The following ROBO2 variants were observed in gnomAD, a reference collection of about 807,000 sequenced individuals.
ROBO2 encodes the protein roundabout homolog 2.
In ROBO2, 53 loss-of-function variants were observed where a neutral mutation model predicts 160.8. The ratio of observed to expected loss-of-function variants is 0.33; its 90% CI spans 0.26 to 0.41. The LOEUF (loss-of-function observed/expected upper bound fraction) is 0.41, where lower values mean the gene tolerates loss of function less well. Among genes scored for constraint, ROBO2 ranks in the 10% least tolerant of loss-of-function variants. The pLI, the probability that ROBO2 is intolerant of heterozygous loss-of-function variation, is 1.00. For synonymous variants in ROBO2, 664 were observed against 611.7 expected, an observed-to-expected ratio of 1.09 and a Z score of -1.26; for missense variants, 1,577 against 1,722.4, an observed-to-expected ratio of 0.92 and a Z score of 1.49.
chr3:77,230,725 A>G (rs1243105372), intron 2 of ROBO2, among the ~76,000 whole-genome samples: 1 of 152,216 alleles, frequency 6.6e-6, no homozygotes, highest in Non-Finnish European at 1.5e-5. Flanking sequence ...CACGGAAACT[A>G]AAGTTACTAG....
At chr3:77,036,563 A>C (rs137972635), upstream of ROBO2, among the ~76,000 whole-genome samples, 6 of 152,182 alleles carry the variant, frequency 3.9e-5, no homozygotes, top group African/African-American at 1.4e-4. Flanking sequence ...CCATTGGATA[A>C]CCTTACCCAA....
At chr3:76,389,383 AC>A (rs1305292947) in intron 2 of ROBO2, among the ~76,000 whole-genome samples, 3 of 152,104 alleles carry the variant, frequency 2.0e-5, no homozygotes, top group Admixed American at 2.0e-4. Flanking sequence ...AAAATATGGA[AC>A]TCTAGGTTAG....
Position 76,719,955 on chromosome 3 carries a change from A to G in ROBO2, c.110-378059A>G, listed in dbSNP as rs190557416. ...AAATCACTTAACTTCTTAATTGAGA[A>G]CTTATCAAATATGGGGCTACATAAG... On this transcript the variant is annotated intron_variant, in intron 2 of 26. Transcript: ENST00000487694. Among the ~76,000 whole-genome samples the G allele has an allele frequency of 8.0e-4, 122 of 152,302 alleles. 1 individual carries two copies. The highest frequency in any genetic ancestry group is 2.7e-3 in the African/African-American group (114 of 41,572).
intron 3 of ROBO2, among the ~76,000 whole-genome samples, chr3:77,478,421 AAAAT>A (rs2084298746): frequency 2.0e-5 from 3 of 152,236 alleles, no homozygotes; most frequent in African/African-American, 7.2e-5. Context: ...TGCATGTAGA[AAAAT>A]AACTGTTTTC....
intron 2 of ROBO2, among the ~76,000 whole-genome samples, chr3:76,338,298 G>A (rs71195265): frequency 0.023 from 3,554 of 152,146 alleles, 54 homozygotes; most frequent in Non-Finnish European, 0.034. Context: ...AATAAGGTAC[G>A]TTGAAGTTTT....
chr3:76,596,063 G>C (rs954201526), intron 2 of ROBO2, among the ~76,000 whole-genome samples: 3 of 151,948 alleles, frequency 2.0e-5, no homozygotes, highest in Non-Finnish European at 4.4e-5. Context: ...TGAAAGGTTT[G>C]GGGAATAAAA....
chr3:77,335,356 AAT>A (rs2153446809), intron 2 of ROBO2, among the ~76,000 whole-genome samples: 1 of 152,212 alleles, frequency 6.6e-6, no homozygotes, highest in African/African-American at 2.4e-5. Context: ...GCAGTGAACC[AAT>A]ATCACATCAC....
intron 2 of ROBO2, among the ~76,000 whole-genome samples, chr3:75,970,354 C>T (rs960916008): frequency 4.0e-5 from 6 of 151,448 alleles, no homozygotes; most frequent in African/African-American, 1.5e-4. Flanking sequence ...CAGGGTAATT[C>T]TTGACAATAA....
intron 2 of ROBO2, among the ~76,000 whole-genome samples, chr3:76,710,425 A>G (rs1321350998): frequency 6.6e-6 from 1 of 152,084 alleles, no homozygotes; most frequent in Non-Finnish European, 1.5e-5. Context: ...AGCATGTCCT[A>G]TTCTCATATT....
intron 2 of ROBO2, among the ~76,000 whole-genome samples, chr3:76,487,063 G>A (rs1029001147): frequency 2.0e-5 from 3 of 152,086 alleles, no homozygotes; most frequent in Non-Finnish European, 4.4e-5. Context: ...TCGAACTCCT[G>A]GGCTCAAGCA....
At chr3:77,482,160 G>A (rs2084777281) in intron 4 of ROBO2, among the ~76,000 whole-genome samples, 1 of 151,720 alleles carries the variant, frequency 6.6e-6, no homozygotes, top group South Asian at 2.1e-4. Flanking sequence ...TTTTACTATA[G>A]CAGATATTAT....
chr3:76,957,891 G>T (rs937876883), intron 2 of ROBO2, among the ~76,000 whole-genome samples: 18 of 152,010 alleles, frequency 1.2e-4, no homozygotes, highest in African/African-American at 4.1e-4. Context: ...GCCTGAGGAT[G>T]CTGTGTTCAT....
chr3:76,973,383 T>C (rs1396612623), intron 2 of ROBO2, among the ~76,000 whole-genome samples: 2 of 152,060 alleles, frequency 1.3e-5, no homozygotes, highest in Non-Finnish European at 2.9e-5. Context: ...TGAGAGAGTA[T>C]AAGAAGTATA....
chr3:76,081,351 C>T (rs1458905377), intron 2 of ROBO2, among the ~76,000 whole-genome samples: 1 of 152,004 alleles, frequency 6.6e-6, no homozygotes, highest in Non-Finnish European at 1.5e-5. Flanking sequence ...GTAACTGAAA[C>T]TGTCTGAACT....
intron 2 of ROBO2, among the ~76,000 whole-genome samples, chr3:76,229,440 A>T (rs1704489383): frequency 6.6e-6 from 1 of 152,158 alleles, no homozygotes; most frequent in Non-Finnish European, 1.5e-5. Context: ...GCAATAGATG[A>T]ATATCATTTT....
chr3:77,397,350 A>ACCAG (rs2075375026), intron 2 of ROBO2, among the ~76,000 whole-genome samples: 1 of 152,094 alleles, frequency 6.6e-6, no homozygotes, highest in African/African-American at 2.4e-5. Context: ...AACCCCTTAA[A>ACCAG]CCAGCCATAC....
At chr3:76,685,192 GTTT>G (rs57691150) in intron 2 of ROBO2, among the ~76,000 whole-genome samples, 1 of 128,322 alleles carries the variant, frequency 7.8e-6, no homozygotes, top group Non-Finnish European at 1.7e-5. Flanking sequence ...GGTTGGTTGT[GTTT>G]TTTTTTTTTT....
intron 2 of ROBO2, among the ~76,000 whole-genome samples, chr3:76,694,692 T>G (rs955771807): frequency 6.6e-6 from 1 of 152,200 alleles, no homozygotes; most frequent in African/African-American, 2.4e-5. Flanking sequence ...AAACATAAAC[T>G]TCTAATATAT....
At chr3:76,313,422 T>C (rs2071740491) in intron 2 of ROBO2, among the ~76,000 whole-genome samples, 1 of 152,216 alleles carries the variant, frequency 6.6e-6, no homozygotes, top group Non-Finnish European at 1.5e-5. Flanking sequence ...AAACACATTT[T>C]TACAATTTGT....
Sources: gnomAD v4.1 joint callset for allele counts (sites outside exome capture counted in the v4.1 genomes callset) on GRCh38, gnomAD v4.1.1 for gene constraint, MANE v1.5 for transcripts, NCBI Gene and HGNC (gene_info 2026-07-23, HGNC 2026-07-21) for gene names.